TRAPPC6A: variants seen among roughly 807,000 people sequenced by gnomAD.
TRAPPC6A encodes trafficking protein particle complex subunit 6A.
A neutral mutation model predicts 20.8 loss-of-function variants in TRAPPC6A; 25 were observed. The observed-to-expected ratio is 1.20, with a 90% CI of 0.88 to 1.68. TRAPPC6A has a LOEUF of 1.68. Among genes scored for constraint, TRAPPC6A ranks in the 40% most tolerant of loss-of-function variants. The probability of loss-of-function intolerance (pLI) is 0.00; values close to 1 mark genes in which losing one functional copy is unlikely to be tolerated. For missense variants in TRAPPC6A, 215 were observed against 211.6 expected, an observed-to-expected ratio of 1.02 and a Z score of -0.10; for synonymous variants, 96 against 93.3, an observed-to-expected ratio of 1.03 and a Z score of -0.16.
rs61092585 is a variant in TRAPPC6A, at chr19:45,173,994, G to A, written c.84+4141C>T. Among the ~76,000 whole-genome samples, 1,917 of 152,294 alleles carry A rather than the reference G, an allele frequency of 0.013. 50 individuals carry two copies. Among genetic ancestry groups the A allele is most frequent in the African/African-American group, 0.044 (1,831 of 41,554 alleles). ...ATTCGTGTGCTCTGAAAGGCTGGTG[G>A]TGAGCAGAGCTGAGTAAGCCAGTTT... is the stretch of plus-strand genomic sequence containing the variant. On this transcript the variant is annotated intron_variant, in intron 1 of 5. Coordinates refer to ENST00000585934, the MANE Select transcript of TRAPPC6A (RefSeq NM_001270891.2). The surrounding 1 kb of genome is among the most constrained non-coding windows in gnomAD (Gnocchi z 4.8).
intron 1 of TRAPPC6A, among the ~76,000 whole-genome samples, chr19:45,171,223 A>T (rs1475136813): frequency 6.6e-6 from 1 of 152,098 alleles, no homozygotes; most frequent in Non-Finnish European, 1.5e-5. Context: ...GATCGCTTGA[A>T]CCCGGGAGGC....
intron 2 of TRAPPC6A, 54 bp from the exon 3 acceptor site, chr19:45,165,024 A>G: frequency 6.2e-7 from 1 of 1,609,448 alleles, no homozygotes; most frequent in South Asian, 1.1e-5. Context: ...AAGAGGGAGG[A>G]AGACAGGCCC....
At chr19:45,170,130 G>A (rs1335892620) in intron 1 of TRAPPC6A, among the ~76,000 whole-genome samples, 1 of 152,200 alleles carries the variant, frequency 6.6e-6, no homozygotes, top group Non-Finnish European at 1.5e-5. Flanking sequence ...GTGAGAGGCG[G>A]GGAAGGGAAG....
At position 45,177,853 on chromosome 19, in the gene TRAPPC6A, T is replaced by G. The variant is rs188527239; in HGVS notation, c.84+282A>C. On this transcript the variant is annotated intron_variant, in intron 1 of 5. Transcript: ENST00000585934. ...ACACCTAGTAAGTGGGGGAGGCGAG[T>G]CCTCAGCACACGCCCAATAACAGCA... 5.9e-5 allele frequency among the ~76,000 whole-genome samples: 9 copies of G among 152,006 alleles called. No individual in the cohort carries two copies. The East Asian group carries it at 1.7e-3, about 29-fold the overall frequency.
intron 1 of TRAPPC6A, among the ~76,000 whole-genome samples, chr19:45,167,993 CTTTTTTTTTT>C (rs968943946): frequency 1.5e-4 from 15 of 99,994 alleles, no homozygotes; most frequent in Admixed American, 6.5e-4. Flanking sequence ...AAGACCCTGT[CTTTTTTTTTT>C]TTTTTTTTTT....
intron 1 of TRAPPC6A, 107 bp downstream of exon 1, chr19:45,178,028 G>A (rs1969431095): frequency 1.3e-6 from 2 of 1,567,422 alleles, no homozygotes; most frequent in Non-Finnish European, 1.7e-6. Context: ...GCCCTGCAAG[G>A]CCGGGGCTGG....
Position 45,163,874 on chromosome 19 carries a change from A to C in TRAPPC6A, c.448+42T>G. 2 of 1,497,852 alleles carry C rather than the reference A, an allele frequency of 1.3e-6. No homozygotes were observed. The highest frequency in any genetic ancestry group is 1.8e-6 in the Non-Finnish European group (2 of 1,098,632). 92.8% of individuals were successfully genotyped at this position (1,497,852 alleles called of 1,614,324 possible). A position where few individuals can be genotyped will look rare whatever the true frequency, so the allele number is the denominator to read the frequency against. ...GGCTGGAACTCTGAAGCCCCCAGCAACTCAAGGGATGAGAAGAATCCCCCC... is the reference window on the plus strand; with the variant it reads ...GGCTGGAACTCTGAAGCCCCCAGCACCTCAAGGGATGAGAAGAATCCCCCC... On this transcript the variant is annotated intron_variant, in intron 5 of 5. Coordinates refer to ENST00000585934, the MANE Select transcript of TRAPPC6A (RefSeq NM_001270891.2). The surrounding 1 kb of genome is among the most constrained non-coding windows in gnomAD (Gnocchi z 5.3).
chr19:45,176,726 C>T (rs1216815826), intron 1 of TRAPPC6A, among the ~76,000 whole-genome samples: 1 of 152,110 alleles, frequency 6.6e-6, no homozygotes, highest in African/African-American at 2.4e-5. Context: ...TGGAAGGAAA[C>T]CAGAGCCAAT....
In TRAPPC6A at chr19:45,163,329, G is replaced by C; in HGVS notation, c.449-106C>G. 7.9e-7 allele frequency: 1 copy of C among 1,261,872 alleles called. No homozygotes were observed. Among genetic ancestry groups the C allele is most frequent in the Non-Finnish European group, 1.1e-6 (1 of 883,662 alleles). The allele number at this position is 1,261,872 out of a possible 1,614,324, so 78.2% of individuals were successfully genotyped here. ...CCCGTCCTGCACTGACACCCCAGTG[G>C]CTAGGTTGGGCTGTTTCCTCCCGCC... On this transcript the variant is annotated intron_variant, in intron 5 of 5. Transcript: ENST00000585934. The surrounding 1 kb of genome is among the most constrained non-coding windows in gnomAD (Gnocchi z 5.3).
Position 45,163,888 on chromosome 19 carries a change from A to C in TRAPPC6A, c.448+28T>G. On this transcript the variant is annotated intron_variant, in intron 5 of 5. Transcript: ENST00000585934. This position sits in a 1 kb window ranked among gnomAD's most constrained non-coding sequence, Gnocchi z 5.3. Reference sequence around the variant, plus strand: ...AGCCCCCAGCAACTCAAGGGATGAGAAGAATCCCCCCACCCCCCATGACTC... The same window carrying C: ...AGCCCCCAGCAACTCAAGGGATGAGCAGAATCCCCCCACCCCCCATGACTC... 7.3e-6 allele frequency: 11 copies of C among 1,503,466 alleles called. No homozygotes were observed. The highest frequency in any genetic ancestry group is 9.1e-6 in the Non-Finnish European group (10 of 1,101,164). 93.1% of individuals were successfully genotyped at this position (1,503,466 alleles called of 1,614,324 possible). A position where few individuals can be genotyped will look rare whatever the true frequency, so the allele number is the denominator to read the frequency against.
At chr19:45,175,260 CAAA>C (rs35729001) in intron 1 of TRAPPC6A, among the ~76,000 whole-genome samples, 6 of 103,314 alleles carry the variant, frequency 5.8e-5, no homozygotes, top group Admixed American at 2.1e-4. Context: ...GACTCTGTCT[CAAA>C]AAAAAAAAAA....
chr19:45,169,743 T>C (rs537021222), intron 1 of TRAPPC6A, among the ~76,000 whole-genome samples: 1 of 152,270 alleles, frequency 6.6e-6, no homozygotes, highest in East Asian at 1.9e-4. Flanking sequence ...GCGGCTCCCG[T>C]GTCACCTCCT....
In TRAPPC6A at chr19:45,163,983, C is replaced by T. The variant is rs779370685; in HGVS notation, c.381G>A (p.Leu127=). 2 of 1,575,892 alleles carry T rather than the reference C, an allele frequency of 1.3e-6. No homozygotes were observed. Among genetic ancestry groups the T allele is most frequent in the Non-Finnish European group, 1.7e-6 (2 of 1,160,770 alleles). Residue 127 remains leucine, a synonymous_variant, in exon 5 of 6, where the codon CTG becomes CTA. Coordinates refer to ENST00000585934, the MANE Select transcript of TRAPPC6A (RefSeq NM_001270891.2). This position sits in a 1 kb window ranked among gnomAD's most constrained non-coding sequence, Gnocchi z 5.3. ...PKFLAFTCGL[L]RGALYTLGIE... ...TGCCCAGGGTATAGAGGGCGCCGCG[C>T]AGGAGGCCGCAGGTGAAGGCCAGGA...
rs375691363 is a variant in TRAPPC6A, at chr19:45,173,035, C to T, written c.84+5100G>A. ...ATAAGGGGCTGCCCAAGTGCACTCT[C>T]GGGGTGTGGTGGATGGAGGCCTGGC... On this transcript the variant is annotated intron_variant, in intron 1 of 5. Coordinates refer to ENST00000585934, the MANE Select transcript of TRAPPC6A (RefSeq NM_001270891.2). The surrounding 1 kb of genome is among the most constrained non-coding windows in gnomAD (Gnocchi z 4.8). 6.4e-4 allele frequency among the ~76,000 whole-genome samples: 97 copies of T among 151,260 alleles called. 5 individuals are homozygous for T. The highest frequency in any genetic ancestry group is 2.3e-3 in the African/African-American group (93 of 40,744).
At position 45,176,047 on chromosome 19, in the gene TRAPPC6A, C is replaced by A. The variant is rs140226934; in HGVS notation, c.84+2088G>T. On this transcript the variant is annotated intron_variant, in intron 1 of 5. Transcript: ENST00000585934. ...TCACTCTATCACCCAGGCTGGAGTGCAGTGGCATGATCATAGCTCACTGCA... is the reference window on the plus strand; with the variant it reads ...TCACTCTATCACCCAGGCTGGAGTGAAGTGGCATGATCATAGCTCACTGCA... 3.1e-3 allele frequency among the ~76,000 whole-genome samples: 468 copies of A among 152,034 alleles called. 2 individuals are homozygous for A. The highest frequency in any genetic ancestry group is 0.011 in the African/African-American group (437 of 41,472).
At chr19:45,167,911 T>A (rs1238093216) in intron 1 of TRAPPC6A, among the ~76,000 whole-genome samples, 1 of 151,532 alleles carries the variant, frequency 6.6e-6, no homozygotes. Flanking sequence ...GGCAGGAGGA[T>A]CATCTGAGCC....
Position 45,163,928 on chromosome 19 carries a change from C to A in TRAPPC6A, c.436G>T (p.Ala146Ser). ...CCCCATGACTCACAGACGGGCAGGG[C>A]TGCCACGGAGGCGGTGACCACGCTC... ...IESVVTASVA[A>S]LPVCKFQVVI... Residue 146 changes from alanine to serine, a missense_variant, in exon 5 of 6, where the codon GCC (alanine) becomes TCC (serine). Transcript: ENST00000585934. The surrounding 1 kb of genome is among the most constrained non-coding windows in gnomAD (Gnocchi z 5.3). 1 of 1,578,640 alleles carries A rather than the reference C, an allele frequency of 6.3e-7. No individual in the cohort carries two copies. Among genetic ancestry groups the A allele is most frequent in the Non-Finnish European group, 8.6e-7 (1 of 1,162,502 alleles).
intron 1 of TRAPPC6A, among the ~76,000 whole-genome samples, chr19:45,171,703 G>A (rs1389560803): frequency 2.0e-5 from 3 of 152,198 alleles, no homozygotes; most frequent in African/African-American, 7.2e-5. Flanking sequence ...AGAGATGCAG[G>A]AAGTCTAATA....
Position 45,167,818 on chromosome 19 carries a change from G to C in TRAPPC6A, c.85-2624C>G, listed in dbSNP as rs183450081. Among the ~76,000 whole-genome samples the C allele has an allele frequency of 6.6e-3, 1,003 of 152,056 alleles. 10 individuals are homozygous for C. Among genetic ancestry groups the C allele is most frequent in the Middle Eastern group, 0.024 (7 of 294 alleles). ...GTTCGAGTCCAGCCTGGTCGACATG[G>C]CGAAACCCCTTCTCTACAAAAAATA... is the stretch of plus-strand genomic sequence containing the variant. On this transcript the variant is annotated intron_variant, in intron 1 of 5. Coordinates refer to ENST00000585934, the MANE Select transcript of TRAPPC6A (RefSeq NM_001270891.2).
Sources: allele counts gnomAD v4.1 joint callset (sites outside exome capture counted in the v4.1 genomes callset), GRCh38; gene constraint gnomAD v4.1.1; non-coding constraint Gnocchi (gnomAD v3.1); transcripts MANE v1.5; gene names NCBI Gene and HGNC (gene_info 2026-07-23, HGNC 2026-07-21).